SLC25A20: variants seen among roughly 807,000 people sequenced by gnomAD.
The protein encoded by SLC25A20 is solute carrier family 25 member 20, also known as mitochondrial carnitine/acylcarnitine carrier protein.
SLC25A20 carries 29 observed loss-of-function variants against 39.7 expected under a neutral mutation model. The observed-to-expected ratio is 0.73, with a 90% CI of 0.54 to 1.00. The LOEUF (loss-of-function observed/expected upper bound fraction) is 1.00, where lower values mean the gene tolerates loss of function less well. Ranked by LOEUF, SLC25A20 falls within the 50% of genes least tolerant of loss-of-function variation. The pLI, the probability that SLC25A20 is intolerant of heterozygous loss-of-function variation, is 0.00. For synonymous variants in SLC25A20, 103 were observed against 142.2 expected (o/e 0.72, Z 1.96); for missense variants, 333 against 379.9 (o/e 0.88, Z 1.03).
intron 2 of SLC25A20, 58 bp from the exon 3 acceptor site, chr3:48,884,182 T>G: frequency 6.2e-7 from 1 of 1,608,188 alleles, no homozygotes; most frequent in Non-Finnish European, 8.5e-7. Flanking sequence ...TTTAAATCAC[T>G]GAAAGAGGAA....
intron 5 of SLC25A20, 24 bp downstream of exon 5, chr3:48,862,517 CT>C (rs779941845): frequency 6.6e-7 from 1 of 1,520,218 alleles, no homozygotes; most frequent in Non-Finnish European, 9.1e-7. Flanking sequence ...CCCAGGTGAC[CT>C]CAAGTGGAGG....
chr3:48,867,411 ATT>A (rs58122933), intron 4 of SLC25A20, among the ~76,000 whole-genome samples: 4 of 108,394 alleles, frequency 3.7e-5, no homozygotes, highest in Admixed American at 1.2e-4. Flanking sequence ...TGCCTGGGTA[ATT>A]TTTTTTTTTT....
chr3:48,866,925 C>A (rs143160188), intron 4 of SLC25A20, among the ~76,000 whole-genome samples: 104 of 152,088 alleles, frequency 6.8e-4, no homozygotes, highest in African/African-American at 2.4e-3. Context: ...TCCCGAGTAG[C>A]TGGGATTACA....
intron 5 of SLC25A20, among the ~76,000 whole-genome samples, chr3:48,862,203 T>C (rs1319848732): frequency 6.6e-6 from 1 of 152,056 alleles, no homozygotes; most frequent in African/African-American, 2.4e-5. Context: ...ACTGCCACTA[T>C]AACAGGACAT....
intron 5 of SLC25A20, among the ~76,000 whole-genome samples, chr3:48,860,723 G>A (rs1424941357): frequency 1.3e-5 from 2 of 151,800 alleles, no homozygotes; most frequent in Non-Finnish European, 2.9e-5. Flanking sequence ...AGAAGGTGGA[G>A]GTTGCAGTAA....
In SLC25A20 at chr3:48,862,667, G is replaced by A. The variant is rs2083636702; in HGVS notation, c.418-8C>T. On this transcript the variant is annotated splice_region_variant and splice_polypyrimidine_tract_variant and intron_variant, in intron 4 of 8. Coordinates refer to ENST00000319017, the MANE Select transcript of SLC25A20 (RefSeq NM_000387.6). Reference sequence around the variant, plus strand: ...TCCTGAAGAAGCCTGAATCTGGGAGGGAGGAGAGGATCATTAAGTCAGAAA... The same window carrying A: ...TCCTGAAGAAGCCTGAATCTGGGAGAGAGGAGAGGATCATTAAGTCAGAAA... The A allele has an allele frequency of 6.4e-7, 1 of 1,574,500 alleles. No individual in the cohort carries two copies. Among genetic ancestry groups the A allele is most frequent in the Admixed American group, 1.7e-5 (1 of 59,950 alleles).
chr3:48,883,935 A>AT, intron 3 of SLC25A20, 62 bp downstream of exon 3: 2 of 1,600,968 alleles, frequency 1.2e-6, no homozygotes, highest in East Asian at 4.5e-5. Flanking sequence ...AAGTTTCTTT[A>AT]TTTTAACCCA....
chr3:48,875,654 C>A (rs947041335), intron 4 of SLC25A20, among the ~76,000 whole-genome samples: 1 of 152,162 alleles, frequency 6.6e-6, no homozygotes, highest in African/African-American at 2.4e-5. Flanking sequence ...AGGTGATCAA[C>A]CTGCCTTGGC....
intron 4 of SLC25A20, among the ~76,000 whole-genome samples, chr3:48,875,851 C>A (rs2083751541): frequency 2.0e-5 from 3 of 151,998 alleles, no homozygotes. Flanking sequence ...AACCCCATCT[C>A]TAAAAAAATA....
chr3:48,892,178 T>C, intron 1 of SLC25A20, 106 bp from the exon 2 acceptor site: 1 of 839,650 alleles, frequency 1.2e-6, no homozygotes, highest in Admixed American at 1.9e-5. Flanking sequence ...TGTACCCTTG[T>C]ACATGTCTTT....
At chr3:48,858,288 T>C (rs2083595734) in intron 8 of SLC25A20, among the ~76,000 whole-genome samples, 1 of 152,040 alleles carries the variant, frequency 6.6e-6, no homozygotes, top group Non-Finnish European at 1.5e-5. Context: ...CCACTTCTAA[T>C]GGCCAGGTCA....
At position 48,857,310 on chromosome 3, in the gene SLC25A20, C is replaced by A; in HGVS notation, c.*400G>T. On this transcript the variant is annotated 3_prime_UTR_variant, in exon 9 of 9. Transcript: ENST00000319017. ...GGCTAGGGACTGAAGAAGATCTCAGCTCCTGGTGATCTGGTTGAAAATATG... is the reference window on the plus strand; with the variant it reads ...GGCTAGGGACTGAAGAAGATCTCAGATCCTGGTGATCTGGTTGAAAATATG... 3.8e-6 allele frequency: 1 copy of A among 266,108 alleles called. No individual in the cohort carries two copies. Among genetic ancestry groups the A allele is most frequent in the Non-Finnish European group, 7.4e-6 (1 of 134,710 alleles). 16.5% of individuals were successfully genotyped at this position (266,108 alleles called of 1,614,324 possible). A position where few individuals can be genotyped will look rare whatever the true frequency, so the allele number is the denominator to read the frequency against.
chr3:48,874,737 G>A lies in SLC25A20; in HGVS notation c.417+4621C>T, dbSNP rs1422415827. ...GCAGTATTCATATATGTGATAATAC[G>A]AATGAATCTCTAGAAAATTATGCTG... is the stretch of plus-strand genomic sequence containing the variant. On this transcript the variant is annotated intron_variant, in intron 4 of 8. Transcript: ENST00000319017. Among the ~76,000 whole-genome samples the A allele has an allele frequency of 4.0e-5, 6 of 151,884 alleles. No individual in the cohort carries two copies. In the South Asian group the frequency reaches 8.3e-4, roughly 21 times the overall value.
chr3:48,863,714 C>T (rs1253243216), intron 4 of SLC25A20, among the ~76,000 whole-genome samples: 2 of 152,112 alleles, frequency 1.3e-5, no homozygotes, highest in Non-Finnish European at 2.9e-5. Flanking sequence ...CAGGATTAAC[C>T]AGTTAAAAAA....
chr3:48,859,513 C>T, intron 6 of SLC25A20, 42 bp downstream of exon 6: 1 of 1,523,588 alleles, frequency 6.6e-7, no homozygotes, highest in Non-Finnish European at 9.1e-7. Context: ...GGCAACGCAC[C>T]CATGACTGGG....
chr3:48,878,882 TTG>T (rs1391539161), intron 4 of SLC25A20, among the ~76,000 whole-genome samples: 1 of 151,942 alleles, frequency 6.6e-6, no homozygotes, highest in Non-Finnish European at 1.5e-5. Context: ...TGTTTTGGTT[TTG>T]TTTTTTTGAG....
chr3:48,863,405 G>C (rs549586032), intron 4 of SLC25A20, among the ~76,000 whole-genome samples: 2 of 152,278 alleles, frequency 1.3e-5, no homozygotes, highest in African/African-American at 2.4e-5. Context: ...TAAGTTCCCA[G>C]ACAGGGGTCC....
chr3:48,894,729 G>A (rs1160098730), intron 1 of SLC25A20, among the ~76,000 whole-genome samples: 1 of 152,154 alleles, frequency 6.6e-6, no homozygotes, highest in Non-Finnish European at 1.5e-5. Flanking sequence ...GGGCTCAAGT[G>A]ATCCTCCTGC....
rs538780328 is a variant in SLC25A20, at chr3:48,865,755, C to T, written c.418-3096G>A. Among the ~76,000 whole-genome samples the T allele has an allele frequency of 6.2e-5, 9 of 144,440 alleles. No individual in the cohort carries two copies. The South Asian group carries it at 1.1e-3, about 18-fold the overall frequency. 94.8% of individuals were successfully genotyped at this position (144,440 alleles called of 152,430 possible). A position where few individuals can be genotyped will look rare whatever the true frequency, so the allele number is the denominator to read the frequency against. On this transcript the variant is annotated intron_variant, in intron 4 of 8. Transcript: ENST00000319017. Reference sequence around the variant, plus strand: ...CCGCACTCCAGCCTGGGAGACAAAGCGAGACTCTGTCTCAAACAAAAAAAA... The same window carrying T: ...CCGCACTCCAGCCTGGGAGACAAAGTGAGACTCTGTCTCAAACAAAAAAAA...
Sources: gnomAD v4.1 joint callset for allele counts (sites outside exome capture counted in the v4.1 genomes callset) on GRCh38, gnomAD v4.1.1 for gene constraint, MANE v1.5 for transcripts, NCBI Gene and HGNC (gene_info 2026-07-23, HGNC 2026-07-21) for gene names.